The following ATP8A2 variants were observed in gnomAD, a reference collection of about 807,000 sequenced individuals.
ATP8A2 encodes phospholipid-transporting ATPase IB.
A neutral mutation model predicts 165.6 loss-of-function variants in ATP8A2; 100 were observed. The ratio of observed to expected loss-of-function variants is 0.60; its 90% CI spans 0.51 to 0.71. ATP8A2 has a LOEUF of 0.71. Among genes scored for constraint, ATP8A2 ranks in the 30% least tolerant of loss-of-function variants. The pLI is 0.00. For missense variants in ATP8A2, 1,227 were observed against 1,479.5 expected, an observed-to-expected ratio of 0.83 and a Z score of 2.80; for synonymous variants, 543 against 548.8, an observed-to-expected ratio of 0.99 and a Z score of 0.15.
At chr13:25,687,548 C>T (rs1170472947) in intron 24 of ATP8A2, among the ~76,000 whole-genome samples, 2 of 152,114 alleles carry the variant, frequency 1.3e-5, no homozygotes, top group East Asian at 3.9e-4. Context: ...GTAGGCAGCT[C>T]TTAAACGAAA....
At chr13:25,534,955 A>G (rs1396995277) in intron 6 of ATP8A2, among the ~76,000 whole-genome samples, 2 of 152,142 alleles carry the variant, frequency 1.3e-5, no homozygotes, top group Non-Finnish European at 2.9e-5. Flanking sequence ...GAGCACACTC[A>G]AGAACCACCG....
intron 36 of ATP8A2, among the ~76,000 whole-genome samples, chr13:26,012,891 A>C (rs1411874520): frequency 6.6e-6 from 1 of 152,148 alleles, no homozygotes; most frequent in Admixed American, 6.5e-5. Context: ...TCCCAAGAGG[A>C]GTTTTTTAAG....
chr13:26,011,526 T>C (rs1434382455), intron 35 of ATP8A2, among the ~76,000 whole-genome samples: 1 of 152,236 alleles, frequency 6.6e-6, no homozygotes, highest in African/African-American at 2.4e-5. Flanking sequence ...TAATCTATTA[T>C]GCCTCTAGGT....
chr13:25,530,671 G>C lies in ATP8A2; in HGVS notation c.420+11G>C. ...ATTGTAGAAGATTTTGTAAGTTTTT[G>C]CTTTTGGATAATAAAATCATTGTAT... On this transcript the variant is annotated intron_variant, in intron 4 of 36. Transcript: ENST00000381655. 6.7e-7 allele frequency: 1 copy of C among 1,495,850 alleles called. No homozygotes were observed. The allele number at this position is 1,495,850 out of a possible 1,614,324, so 92.7% of individuals were successfully genotyped here.
intron 2 of ATP8A2, among the ~76,000 whole-genome samples, chr13:25,503,067 C>T (rs772407033): frequency 2.2e-4 from 34 of 152,178 alleles, no homozygotes; most frequent in South Asian, 4.2e-4. Flanking sequence ...CAGGACTAGG[C>T]GGGTGGGATC....
At chr13:25,581,615 C>G (rs1302403103) in intron 22 of ATP8A2, among the ~76,000 whole-genome samples, 2 of 152,142 alleles carry the variant, frequency 1.3e-5, no homozygotes, top group African/African-American at 4.8e-5. Context: ...GAGTACTGGG[C>G]TGCCTGTGTG....
At chr13:25,531,573 G>A (rs76084690) in intron 4 of ATP8A2, among the ~76,000 whole-genome samples, 1,728 of 150,850 alleles carry the variant, frequency 0.011, 33 homozygotes, top group African/African-American at 0.039. Flanking sequence ...CATCTTTCTG[G>A]GAATAGGTAT....
intron 35 of ATP8A2, among the ~76,000 whole-genome samples, chr13:25,981,365 A>G (rs1956168057): frequency 6.6e-6 from 1 of 152,254 alleles, no homozygotes; most frequent in Admixed American, 6.5e-5. Context: ...TGTTCCACAC[A>G]GACAGGAACA....
rs1465674226 is a variant in ATP8A2, at chr13:25,668,622, CTT to C, written c.2212-30549_2212-30548del. 3.3e-5 allele frequency among the ~76,000 whole-genome samples: 5 copies of C among 152,202 alleles called. No homozygotes were observed. In the East Asian group the frequency reaches 9.7e-4, roughly 29 times the overall value. On this transcript the variant is annotated intron_variant, in intron 24 of 36. Coordinates refer to ENST00000381655, the MANE Select transcript of ATP8A2 (RefSeq NM_016529.6). ...ATTTATTCAGATATTCTTTCTGCCT[CTT>C]TATCTCTCTGTTTTTCTTTTGGAAC...
intron 27 of ATP8A2, among the ~76,000 whole-genome samples, chr13:25,797,248 A>G (rs1168504930): frequency 6.6e-6 from 1 of 152,208 alleles, no homozygotes; most frequent in Admixed American, 6.5e-5. Context: ...AGCCCGGGTG[A>G]CAAGAGCAAA....
intron 27 of ATP8A2, among the ~76,000 whole-genome samples, chr13:25,786,583 T>C (rs1231388817): frequency 6.6e-6 from 1 of 152,228 alleles, no homozygotes; most frequent in Non-Finnish European, 1.5e-5. Flanking sequence ...AAAGTTGCTT[T>C]TCTTAACATG....
intron 1 of ATP8A2, among the ~76,000 whole-genome samples, chr13:25,435,541 A>G (rs2034734559): frequency 6.6e-6 from 1 of 152,212 alleles, no homozygotes; most frequent in African/African-American, 2.4e-5. Flanking sequence ...TTCTGGAATC[A>G]TCTAGCCTCA....
intron 1 of ATP8A2, among the ~76,000 whole-genome samples, chr13:25,387,594 G>T (rs181329884): frequency 6.6e-6 from 1 of 152,034 alleles, no homozygotes; most frequent in African/African-American, 2.4e-5. Context: ...ACTTCGAGGC[G>T]CACGTAGAGA....
intron 7 of ATP8A2, among the ~76,000 whole-genome samples, chr13:25,539,056 ATT>A (rs1345517954): frequency 7.6e-6 from 1 of 131,066 alleles, no homozygotes; most frequent in Non-Finnish European, 1.6e-5. Context: ...ACCTTAGAAA[ATT>A]TAGTGTGTGT....
At chr13:26,010,009 T>G (rs1203827221) in intron 35 of ATP8A2, among the ~76,000 whole-genome samples, 1 of 152,242 alleles carries the variant, frequency 6.6e-6, no homozygotes, top group East Asian at 1.9e-4. Flanking sequence ...GAGGCTGCAG[T>G]GAGCCGAGAT....
intron 24 of ATP8A2, among the ~76,000 whole-genome samples, chr13:25,652,115 C>T (rs1244486878): frequency 1.3e-5 from 2 of 152,094 alleles, no homozygotes; most frequent in Admixed American, 1.3e-4. Context: ...GACATTTGCC[C>T]AGTTCCCTTC....
intron 33 of ATP8A2, among the ~76,000 whole-genome samples, chr13:25,892,382 G>A (rs747074901): frequency 2.0e-5 from 3 of 151,792 alleles, no homozygotes; most frequent in Non-Finnish European, 4.4e-5. Flanking sequence ...ATTCAATTTG[G>A]CTTTATGGGT....
intron 2 of ATP8A2, among the ~76,000 whole-genome samples, chr13:25,488,858 C>G (rs1355835949): frequency 6.7e-6 from 1 of 148,594 alleles, no homozygotes; most frequent in Non-Finnish European, 1.5e-5. Context: ...AAAGGAAATT[C>G]AGATGACTCC....
Position 25,839,563 on chromosome 13 carries a change from C to T in ATP8A2, c.2895C>T (p.Cys965=). The T allele has an allele frequency of 2.5e-6, 4 of 1,614,062 alleles. No homozygotes were observed. In the South Asian group the frequency reaches 4.4e-5, roughly 18 times the overall value. The part of the protein sequence containing the change: ...GFNTKVFWGH[C]INALVHSLIL... ...TTCCTTAGGTTTTCTGGGGTCACTG[C>T]ATCAACGCCTTGGTCCACTCCCTCA... The change falls in exon 30 of 37, where the codon TGC becomes TGT. Residue 965 remains cysteine, a synonymous_variant. Transcript: ENST00000381655.
Sources: allele counts gnomAD v4.1 joint callset (sites outside exome capture counted in the v4.1 genomes callset), GRCh38; gene constraint gnomAD v4.1.1; transcripts MANE v1.5; gene names NCBI Gene and HGNC (gene_info 2026-07-23, HGNC 2026-07-21).